FAM76B: variants seen among roughly 807,000 people sequenced by gnomAD.
FAM76B encodes the protein family with sequence similarity 76 member B.
In FAM76B, 16 loss-of-function variants were observed where a neutral mutation model predicts 51.8. The ratio of observed to expected loss-of-function variants is 0.31; its 90% CI spans 0.21 to 0.47. The LOEUF (loss-of-function observed/expected upper bound fraction) is 0.47. Ranked by LOEUF, FAM76B falls within the 20% of genes least tolerant of loss-of-function variation. FAM76B has a pLI of 1.00. For synonymous variants in FAM76B, 166 were observed against 129.5 expected (o/e 1.28, Z -1.91); for missense variants, 342 against 392.6 (o/e 0.87, Z 1.09).
At chr11:95,779,033 A>G (rs1353266710) in intron 7 of FAM76B, 76 bp from the exon 8 acceptor site, 2 of 1,595,730 alleles carry the variant, frequency 1.3e-6, no homozygotes, top group African/African-American at 2.7e-5. Flanking sequence ...CATAAATTAG[A>G]CAATTCCACA....
At chr11:95,774,034 G>A (rs927050027) in intron 9 of FAM76B, among the ~76,000 whole-genome samples, 1 of 151,266 alleles carries the variant, frequency 6.6e-6, no homozygotes, top group Non-Finnish European at 1.5e-5. Flanking sequence ...GTTGCTAAAG[G>A]AAGTGAGGTA....
chr11:95,770,002 T>A lies in FAM76B; in HGVS notation c.*1559A>T, dbSNP rs1320314599. The A allele has an allele frequency of 1.3e-5, 2 of 151,610 alleles. No individual in the cohort carries two copies. The highest frequency in any genetic ancestry group is 3.0e-5 in the Non-Finnish European group (2 of 67,636). 9.4% of individuals were successfully genotyped at this position (151,610 alleles called of 1,614,324 possible). A position where few individuals can be genotyped will look rare whatever the true frequency, so the allele number is the denominator to read the frequency against. On this transcript the variant is annotated 3_prime_UTR_variant, in exon 10 of 10. Coordinates refer to ENST00000358780, the MANE Select transcript of FAM76B (RefSeq NM_144664.5). ...TTCTTAAGAAAGCCAATCTTTGATATGACATTCACAATCAATGCTTGTATA... is the reference window on the plus strand; with the variant it reads ...TTCTTAAGAAAGCCAATCTTTGATAAGACATTCACAATCAATGCTTGTATA...
chr11:95,780,860 T>C (rs956757551), intron 5 of FAM76B, among the ~76,000 whole-genome samples: 17 of 152,008 alleles, frequency 1.1e-4, no homozygotes, highest in African/African-American at 4.1e-4. Context: ...TGCTAGCATA[T>C]ACAAAATAGA....
At chr11:95,789,297 C>A in intron 1 of FAM76B, 95 bp downstream of exon 1, 1 of 1,358,780 alleles carries the variant, frequency 7.4e-7, no homozygotes, top group Admixed American at 2.1e-5. Context: ...ACCCCTGAGG[C>A]GCCGGCGAAG....
At chr11:95,779,837 A>G in intron 6 of FAM76B, 42 bp downstream of exon 6, 19 of 1,578,924 alleles carry the variant, frequency 1.2e-5, no homozygotes, top group Non-Finnish European at 1.5e-5. Context: ...ATTTATAAAT[A>G]TACATTTCAA....
At position 95,771,455 on chromosome 11, in the gene FAM76B, T is replaced by C. The variant is rs1463413373; in HGVS notation, c.*106A>G. ...AGTGAACAGGAAACACACCAATTCA[T>C]TTGGTGTGCAAAAATATTTTTCTAC... On this transcript the variant is annotated 3_prime_UTR_variant, in exon 10 of 10. Transcript: ENST00000358780. 2 of 709,790 alleles carry C rather than the reference T, an allele frequency of 2.8e-6. No homozygotes were observed. The highest frequency in any genetic ancestry group is 2.9e-5 in the East Asian group (1 of 34,898). The allele number at this position is 709,790 out of a possible 1,614,324, so 44.0% of individuals were successfully genotyped here.
chr11:95,789,357 A>G (rs761723883), intron 1 of FAM76B, 35 bp downstream of exon 1: 26 of 1,561,676 alleles, frequency 1.7e-5, no homozygotes, highest in South Asian at 2.3e-5. Context: ...ACGGCCGAGG[A>G]CACCCATCCC....
intron 4 of FAM76B, among the ~76,000 whole-genome samples, chr11:95,783,573 A>G (rs1305480121): frequency 2.0e-5 from 3 of 152,202 alleles, no homozygotes; most frequent in Non-Finnish European, 4.4e-5. Context: ...ACTGACTGAT[A>G]TACTTCCAAG....
At chr11:95,785,156 G>A (rs1194755005) in intron 4 of FAM76B, among the ~76,000 whole-genome samples, 1 of 152,088 alleles carries the variant, frequency 6.6e-6, no homozygotes, top group Admixed American at 6.5e-5. Flanking sequence ...TAATATAATT[G>A]TTCTATTTTG....
chr11:95,786,372 C>A, intron 3 of FAM76B, 98 bp from the exon 4 acceptor site: 1 of 1,414,576 alleles, frequency 7.1e-7, no homozygotes, highest in Non-Finnish European at 9.4e-7. Flanking sequence ...ATTAAGAAAA[C>A]TCAGGTAAAA....
At position 95,787,610 on chromosome 11, in the gene FAM76B, T is replaced by C. The variant is rs990805672; in HGVS notation, c.207+14A>G. On this transcript the variant is annotated intron_variant, in intron 3 of 9. Coordinates refer to ENST00000358780, the MANE Select transcript of FAM76B (RefSeq NM_144664.5). ...AACTGGTAACAATGACATGAAAACA[T>C]AAGACATACTTACCGTCCCAAATTG... 12 of 1,607,626 alleles carry C rather than the reference T, an allele frequency of 7.5e-6. No homozygotes were observed. In the African/African-American group the frequency reaches 1.5e-4, roughly 20 times the overall value.
intron 9 of FAM76B, 88 bp from the exon 10 acceptor site, chr11:95,771,738 C>A: frequency 9.9e-7 from 1 of 1,009,376 alleles, no homozygotes; most frequent in Non-Finnish European, 1.5e-6. Context: ...ATACTGTTTT[C>A]ATTTATATAA....
chr11:95,785,109 TA>T (rs1860491312), intron 4 of FAM76B, among the ~76,000 whole-genome samples: 1 of 152,248 alleles, frequency 6.6e-6, no homozygotes, highest in Non-Finnish European at 1.5e-5. Flanking sequence ...TTCTAAGGGA[TA>T]AAGACCACAT....
At position 95,780,039 on chromosome 11, in the gene FAM76B, G is replaced by A. The variant is rs1234995636; in HGVS notation, c.564-113C>T. 6.1e-6 allele frequency: 6 copies of A among 986,634 alleles called. No individual in the cohort carries two copies. The Admixed American group carries it at 1.4e-4, about 22-fold the overall frequency. The allele number at this position is 986,634 out of a possible 1,614,324, so 61.1% of individuals were successfully genotyped here. A position where few individuals can be genotyped will look rare whatever the true frequency, so the allele number is the denominator to read the frequency against. The stretch of plus-strand genomic sequence containing the variant: ...TTATGTTTATAATATTTTCTTCAGA[G>A]AAAGGTATATTTAAGTTTTCAGACT... On this transcript the variant is annotated intron_variant, in intron 5 of 9. Coordinates refer to ENST00000358780, the MANE Select transcript of FAM76B (RefSeq NM_144664.5).
At chr11:95,775,764 T>G in intron 9 of FAM76B, 158 bp downstream of exon 9, 1 of 427,902 alleles carries the variant, frequency 2.3e-6, no homozygotes, top group Non-Finnish European at 4.1e-6. Flanking sequence ...TAACTTCTAA[T>G]GAGATCAAGA....
At chr11:95,779,545 CA>C in intron 7 of FAM76B, 61 bp downstream of exon 7, 1 of 1,334,334 alleles carries the variant, frequency 7.5e-7, no homozygotes, top group East Asian at 2.4e-5. Flanking sequence ...TAATAACTGG[CA>C]TTCAACCATA....
At chr11:95,777,792 CT>C (rs1273321915) in intron 8 of FAM76B, among the ~76,000 whole-genome samples, 2 of 151,318 alleles carry the variant, frequency 1.3e-5, no homozygotes, top group African/African-American at 4.8e-5. Flanking sequence ...TCAGCACAGA[CT>C]TAGAGATGGA....
chr11:95,778,855 C>A lies in FAM76B; in HGVS notation c.795G>T (p.Gln265His), dbSNP rs371433642. 3.1e-6 allele frequency: 5 copies of A among 1,609,172 alleles called. No individual in the cohort carries two copies. The African/African-American group carries it at 6.7e-5, about 22-fold the overall frequency. Residue 265 changes from glutamine to histidine, a missense_variant, in exon 8 of 10, where the codon CAG (glutamine) becomes CAT (histidine). Physicochemically the swap from Gln to His is conservative, Grantham distance 24 (BLOSUM62 0). Coordinates refer to ENST00000358780, the MANE Select transcript of FAM76B (RefSeq NM_144664.5). ...EVMSLKRLLQ[Q>H]RDQTILEKDK... ...CTTTTTCTAAAATGGTCTGGTCTCT[C>A]TGCTGTAAGAGACGCTTAAGTGACA...
chr11:95,785,616 A>G (rs1237198654), intron 4 of FAM76B, among the ~76,000 whole-genome samples: 1 of 152,226 alleles, frequency 6.6e-6, no homozygotes, highest in East Asian at 1.9e-4. Context: ...TAAAATTGAT[A>G]GGCAACAGGA....
Sources: allele counts gnomAD v4.1 joint callset (sites outside exome capture counted in the v4.1 genomes callset), GRCh38; gene constraint gnomAD v4.1.1; transcripts MANE v1.5; gene names NCBI Gene and HGNC (gene_info 2026-07-23, HGNC 2026-07-21).